The following ENOX1 variants were observed in gnomAD, a reference collection of about 807,000 sequenced individuals.
ENOX1 encodes the protein candidate growth-related and time keeping constitutive hydroquinone (NADH) oxidase.
ENOX1 carries 42 observed loss-of-function variants against 82.5 expected under a neutral mutation model. That is an observed-to-expected ratio of 0.51 (90% confidence interval 0.40 to 0.66). The LOEUF (loss-of-function observed/expected upper bound fraction) is 0.66. Ranked by LOEUF, ENOX1 falls within the 30% of genes least tolerant of loss-of-function variation. The pLI, the probability that ENOX1 is intolerant of heterozygous loss-of-function variation, is 0.00. For missense variants in ENOX1, 608 were observed against 811.6 expected, an observed-to-expected ratio of 0.75 and a Z score of 3.05; for synonymous variants, 271 against 282.2, an observed-to-expected ratio of 0.96 and a Z score of 0.40.
rs367646888 is a variant in ENOX1 at position 43,611,469 on chromosome 13, C to T, written c.-219+56010G>A. Among the ~76,000 whole-genome samples the T allele has an allele frequency of 3.5e-4, 54 of 152,274 alleles. 1 individual carries two copies. The East Asian group carries it at 0.01, about 28-fold the overall frequency. ...ATGTATAATGACAGAAATCAAGTCA[C>T]GACCCATGTAGTCTCAAAAGGCTAC... is the stretch of plus-strand genomic sequence containing the variant. On this transcript the variant is annotated intron_variant, in intron 2 of 16. Coordinates refer to ENST00000690772, the MANE Select transcript of ENOX1 (RefSeq NM_001347969.2).
intron 15 of ENOX1, among the ~76,000 whole-genome samples, chr13:43,234,031 A>G (rs1566296962): frequency 6.6e-6 from 1 of 152,194 alleles, no homozygotes; most frequent in African/African-American, 2.4e-5. Flanking sequence ...CTTTTTCTCT[A>G]TTCTGATCCA....
At chr13:43,332,393 A>C (rs1311636712) in intron 9 of ENOX1, among the ~76,000 whole-genome samples, 1 of 152,192 alleles carries the variant, frequency 6.6e-6, no homozygotes, top group Non-Finnish European at 1.5e-5. Context: ...GGCAGAGCTC[A>C]GGTGGCAATG....
chr13:43,451,213 T>C (rs569745746), intron 3 of ENOX1, among the ~76,000 whole-genome samples: 1 of 152,208 alleles, frequency 6.6e-6, no homozygotes, highest in South Asian at 2.1e-4. Context: ...GCACTGAATA[T>C]ATATACTTGG....
chr13:43,653,814 G>A lies in ENOX1; in HGVS notation c.-219+13665C>T, dbSNP rs180799517. Among the ~76,000 whole-genome samples the A allele has an allele frequency of 2.0e-5, 3 of 152,140 alleles. No homozygotes were observed. In the East Asian group the frequency reaches 5.8e-4, roughly 29 times the overall value. ...GACCATTTGGCACCATGTGGGACAG[G>A]GATAAGGTGCTAACATGGCCCAGCT... On this transcript the variant is annotated intron_variant, in intron 2 of 16. Coordinates refer to ENST00000690772, the MANE Select transcript of ENOX1 (RefSeq NM_001347969.2).
chr13:43,633,643 A>T (rs907490984), intron 2 of ENOX1, among the ~76,000 whole-genome samples: 1 of 151,916 alleles, frequency 6.6e-6, no homozygotes, highest in Non-Finnish European at 1.5e-5. Flanking sequence ...CAAGTTTCAG[A>T]GTAATGTGAC....
intron 5 of ENOX1, among the ~76,000 whole-genome samples, chr13:43,373,607 AAC>A (rs754099338): frequency 2.0e-5 from 3 of 152,112 alleles, no homozygotes; most frequent in African/African-American, 4.8e-5. Flanking sequence ...CGTGTGCATA[AAC>A]ACACACACAC....
intron 2 of ENOX1, among the ~76,000 whole-genome samples, chr13:43,666,265 T>C (rs1576324): frequency 1.1e-3 from 170 of 152,002 alleles, no homozygotes; most frequent in African/African-American, 3.9e-3. Context: ...GTGAAATAAA[T>C]TGAGGTATGC....
chr13:43,642,888 C>T (rs567594408), intron 2 of ENOX1, among the ~76,000 whole-genome samples: 64 of 152,172 alleles, frequency 4.2e-4, no homozygotes, highest in Non-Finnish European at 7.5e-4. Context: ...TATACTACAG[C>T]TATGTTTGTA....
chr13:43,533,768 T>G lies in ENOX1; in HGVS notation c.-218-49616A>C, dbSNP rs556779939. ...ATATACAGAGTTAGCCTCATTAAAC[T>G]CGAATGGTCTCTGGGAGACCTACCT... is the stretch of plus-strand genomic sequence containing the variant. On this transcript the variant is annotated intron_variant, in intron 2 of 16. Transcript: ENST00000690772. Among the ~76,000 whole-genome samples, 19 of 152,322 alleles carry G rather than the reference T, an allele frequency of 1.2e-4. No individual in the cohort carries two copies. The East Asian group carries it at 3.7e-3, about 29-fold the overall frequency.
chr13:43,427,507 G>A (rs945654213), intron 3 of ENOX1, among the ~76,000 whole-genome samples: 1 of 152,198 alleles, frequency 6.6e-6, no homozygotes, highest in Non-Finnish European at 1.5e-5. Context: ...CCCACAAAGA[G>A]TCAGACTAGA....
intron 12 of ENOX1, among the ~76,000 whole-genome samples, chr13:43,279,526 C>T (rs181766634): frequency 6.6e-6 from 1 of 152,134 alleles, no homozygotes; most frequent in Admixed American, 6.5e-5. Flanking sequence ...TCTATTTTCT[C>T]TTCTACAGAT....
chr13:43,694,049 G>A (rs79244847), intron 1 of ENOX1, among the ~76,000 whole-genome samples: 5,732 of 152,154 alleles, frequency 0.038, 147 homozygotes, highest in African/African-American at 0.077. Context: ...CTGCTAATCC[G>A]ATGTAAATTG....
At chr13:43,411,580 A>G (rs931892460) in intron 5 of ENOX1, among the ~76,000 whole-genome samples, 21 of 152,254 alleles carry the variant, frequency 1.4e-4, no homozygotes, top group Non-Finnish European at 1.5e-5. Flanking sequence ...CATAAAGGGA[A>G]GACAGTGCAA....
At chr13:43,308,446 G>C (rs2153516147) in intron 11 of ENOX1, among the ~76,000 whole-genome samples, 1 of 152,230 alleles carries the variant, frequency 6.6e-6, no homozygotes, top group Non-Finnish European at 1.5e-5. Flanking sequence ...GGGAAAAGAG[G>C]TAACCTTTCT....
chr13:43,467,518 T>A (rs201185161), intron 3 of ENOX1, among the ~76,000 whole-genome samples: 4 of 104,098 alleles, frequency 3.8e-5, no homozygotes, highest in African/African-American at 1.4e-4. Flanking sequence ...TTTAAAATTT[T>A]AAAATTTTAA....
chr13:43,390,157 G>T lies in ENOX1; in HGVS notation c.208+21759C>A, dbSNP rs569022649. The stretch of plus-strand genomic sequence containing the variant: ...ATAATCATTCTCATCATTTCTAAAA[G>T]CCAAGCAGCCTTCAGTCAGTTTCAC... On this transcript the variant is annotated intron_variant, in intron 5 of 16. Transcript: ENST00000690772. 1.8e-4 allele frequency among the ~76,000 whole-genome samples: 27 copies of T among 152,266 alleles called. No homozygotes were observed. In the South Asian group the frequency reaches 5.4e-3, roughly 30 times the overall value.
At chr13:43,271,027 C>A (rs868542379) in intron 12 of ENOX1, among the ~76,000 whole-genome samples, 1 of 152,178 alleles carries the variant, frequency 6.6e-6, no homozygotes, top group South Asian at 2.1e-4. Flanking sequence ...TCCTGACTGG[C>A]CCTAGAACAG....
rs577533884 is a variant in ENOX1, at chr13:43,356,828, G to T, written c.590-676C>A. Among the ~76,000 whole-genome samples the T allele has an allele frequency of 3.3e-5, 5 of 152,010 alleles. No homozygotes were observed. In the South Asian group the frequency reaches 1.0e-3, roughly 32 times the overall value. ...CGATCAAGAGGCCTCGCCGCTGCCT[G>T]CCTCACAGCCCTGCAGCACCTCATC... On this transcript the variant is annotated intron_variant, in intron 7 of 16. Transcript: ENST00000690772.
intron 2 of ENOX1, among the ~76,000 whole-genome samples, chr13:43,569,550 T>C (rs146525989): frequency 6.6e-6 from 1 of 152,214 alleles, no homozygotes; most frequent in Non-Finnish European, 1.5e-5. Flanking sequence ...CCAGTGACAC[T>C]CTCAGAAGAG....
Sources: gnomAD v4.1 joint callset for allele counts (sites outside exome capture counted in the v4.1 genomes callset) on GRCh38, gnomAD v4.1.1 for gene constraint, MANE v1.5 for transcripts, NCBI Gene and HGNC (gene_info 2026-07-23, HGNC 2026-07-21) for gene names.